INPP4B: variants seen among roughly 807,000 people sequenced by gnomAD.
INPP4B encodes inositol polyphosphate-4-phosphatase type II B.
INPP4B carries 55 observed loss-of-function variants against 122.5 expected under a neutral mutation model. That is an observed-to-expected ratio of 0.45 (90% CI 0.36 to 0.56). The LOEUF is 0.56. Among genes scored for constraint, INPP4B ranks in the 20% least tolerant of loss-of-function variants. The probability of loss-of-function intolerance (pLI) is 0.00; values close to 1 mark genes in which losing one functional copy is unlikely to be tolerated. For missense variants in INPP4B, 1,000 were observed against 1,097.7 expected (o/e 0.91, Z 1.26); for synonymous variants, 403 against 388.7 (o/e 1.04, Z -0.43).
intron 2 of INPP4B, among the ~76,000 whole-genome samples, chr4:142,532,354 G>A (rs911965648): frequency 6.6e-5 from 10 of 152,032 alleles, no homozygotes; most frequent in South Asian, 4.2e-4. Flanking sequence ...TTTCTCTGCC[G>A]GGACACCTTT....
rs145359034 is a variant in INPP4B, at chr4:142,579,646, C to T, written c.-190-116920G>A. Reference sequence around the variant, plus strand: ...GAGGATTCTTTCTGCCTGACTGCCTCTGAATGGGACATTGGCTTTTTCTCC... The same window carrying T: ...GAGGATTCTTTCTGCCTGACTGCCTTTGAATGGGACATTGGCTTTTTCTCC... On this transcript the variant is annotated intron_variant, in intron 2 of 25. Coordinates refer to ENST00000262992, the MANE Select transcript of INPP4B (RefSeq NM_001101669.3). 3.3e-3 allele frequency among the ~76,000 whole-genome samples: 497 copies of T among 151,904 alleles called. 7 individuals are homozygous for T. The highest frequency in any genetic ancestry group is 0.018 in the East Asian group (91 of 5,110).
intron 1 of INPP4B, among the ~76,000 whole-genome samples, chr4:142,744,356 A>G (rs924040718): frequency 2.6e-5 from 4 of 151,956 alleles, no homozygotes; most frequent in African/African-American, 9.7e-5. Flanking sequence ...TAGTCTTAGG[A>G]AGAAAAAAAT....
chr4:142,617,026 C>A (rs2017146), intron 2 of INPP4B, among the ~76,000 whole-genome samples: 91,125 of 151,872 alleles, frequency 0.6, 28,427 homozygotes, highest in East Asian at 0.79. Flanking sequence ...ACTAAAAGCC[C>A]GAACTTCACA....
intron 17 of INPP4B, among the ~76,000 whole-genome samples, chr4:142,158,607 A>G (rs981119690): frequency 6.6e-6 from 1 of 152,082 alleles, no homozygotes; most frequent in Non-Finnish European, 1.5e-5. Flanking sequence ...GTTTCTTTCT[A>G]AGCTTTGTTG....
At chr4:142,436,458 C>T (rs536838449) in intron 3 of INPP4B, among the ~76,000 whole-genome samples, 2 of 152,116 alleles carry the variant, frequency 1.3e-5, no homozygotes, top group Non-Finnish European at 2.9e-5. Flanking sequence ...AACTGGGTGA[C>T]CCCCCACAAG....
intron 2 of INPP4B, among the ~76,000 whole-genome samples, chr4:142,655,678 T>C (rs567860038): frequency 1.3e-5 from 2 of 152,354 alleles, no homozygotes; most frequent in Non-Finnish European, 2.9e-5. Context: ...AAAATTGGAA[T>C]CTGTGGCAAC....
intron 25 of INPP4B, among the ~76,000 whole-genome samples, chr4:142,030,610 C>T (rs1388654117): frequency 6.6e-6 from 1 of 152,082 alleles, no homozygotes; most frequent in Non-Finnish European, 1.5e-5. Flanking sequence ...ATAAGCATAA[C>T]AGCACCAAAT....
intron 23 of INPP4B, among the ~76,000 whole-genome samples, chr4:142,104,964 A>G (rs1786266132): frequency 6.6e-6 from 1 of 152,070 alleles, no homozygotes; most frequent in South Asian, 2.1e-4. Flanking sequence ...GCCAACACAG[A>G]ACACACATAT....
chr4:142,076,287 T>A (rs1359504447), intron 25 of INPP4B, among the ~76,000 whole-genome samples: 7 of 152,098 alleles, frequency 4.6e-5, no homozygotes, highest in African/African-American at 1.7e-4. Flanking sequence ...TGAAGTCCTT[T>A]GTAGGCCATT....
In INPP4B at chr4:142,023,710, C is replaced by A. The variant is rs1322623284; in HGVS notation, c.*5072G>T. 1 of 152,128 alleles carries A rather than the reference C, an allele frequency of 6.6e-6. No homozygotes were observed. Among genetic ancestry groups the A allele is most frequent in the Non-Finnish European group, 1.5e-5 (1 of 67,992 alleles). The allele number at this position is 152,128 out of a possible 1,614,324, so 9.4% of individuals were successfully genotyped here. ...TGAAGGAATATTATGAATGTATTTA[C>A]ACTGTGAGTGTGAAAGGGCAACATT... On this transcript the variant is annotated 3_prime_UTR_variant, in exon 26 of 26. Transcript: ENST00000262992.
intron 9 of INPP4B, among the ~76,000 whole-genome samples, chr4:142,298,683 CAAAAA>C (rs386401712): frequency 1.5e-5 from 1 of 66,452 alleles, no homozygotes; most frequent in Admixed American, 2.2e-4. Flanking sequence ...GACTCTGTCT[CAAAAA>C]AAAAAAAAAA....
chr4:142,241,091 T>C (rs79547431), intron 11 of INPP4B, among the ~76,000 whole-genome samples: 5,234 of 152,256 alleles, frequency 0.034, 288 homozygotes, highest in African/African-American at 0.12. Context: ...ATGACTTTCA[T>C]CTCTGGCTCT....
At chr4:142,101,200 A>G (rs1351009574) in intron 23 of INPP4B, among the ~76,000 whole-genome samples, 1 of 152,168 alleles carries the variant, frequency 6.6e-6, no homozygotes, top group Admixed American at 6.6e-5. Flanking sequence ...AATGAACCAC[A>G]TTGGGATGTT....
At chr4:142,668,474 A>C (rs1006202897) in intron 2 of INPP4B, among the ~76,000 whole-genome samples, 1 of 152,186 alleles carries the variant, frequency 6.6e-6, no homozygotes, top group Non-Finnish European at 1.5e-5. Context: ...CTTCTATTTA[A>C]CCTAGTACTA....
intron 15 of INPP4B, 30 bp from the exon 16 acceptor site, chr4:142,173,839 A>C (rs768918173): frequency 6.4e-7 from 1 of 1,558,152 alleles, no homozygotes; most frequent in South Asian, 1.1e-5. Context: ...AATAAGTTAC[A>C]CAAACAGCAT....
At chr4:142,337,503 T>C (rs766854635) in intron 7 of INPP4B, among the ~76,000 whole-genome samples, 5 of 151,484 alleles carry the variant, frequency 3.3e-5, no homozygotes, top group Non-Finnish European at 5.9e-5. Flanking sequence ...TATGTAATTA[T>C]ATATCACTGT....
intron 2 of INPP4B, among the ~76,000 whole-genome samples, chr4:142,504,161 C>T (rs767654887): frequency 6.6e-6 from 1 of 151,754 alleles, no homozygotes; most frequent in African/African-American, 2.4e-5. Flanking sequence ...GTTAATTATC[C>T]ACAATATGCA....
intron 25 of INPP4B, among the ~76,000 whole-genome samples, chr4:142,030,964 T>TATC (rs1227319363): frequency 6.6e-6 from 1 of 152,134 alleles, no homozygotes; most frequent in East Asian, 1.9e-4. Flanking sequence ...GGGCCAAATC[T>TATC]ATCTCCTATG....
intron 25 of INPP4B, among the ~76,000 whole-genome samples, chr4:142,052,174 T>C (rs1449361717): frequency 6.6e-6 from 1 of 152,018 alleles, no homozygotes; most frequent in East Asian, 1.9e-4. Context: ...ATTTACAAAA[T>C]GACCTCACAA....
Sources: gnomAD v4.1 joint callset for allele counts (sites outside exome capture counted in the v4.1 genomes callset) on GRCh38, gnomAD v4.1.1 for gene constraint, MANE v1.5 for transcripts, NCBI Gene and HGNC (gene_info 2026-07-23, HGNC 2026-07-21) for gene names.